CACNA2D3: variants seen among roughly 807,000 people sequenced by gnomAD.
CACNA2D3 encodes calcium voltage-gated channel auxiliary subunit alpha2delta 3.
CACNA2D3 carries 60 observed loss-of-function variants against 160.6 expected under a neutral mutation model. The ratio of observed to expected loss-of-function variants is 0.37; its 90% CI spans 0.30 to 0.46. CACNA2D3 has a LOEUF of 0.46. Ranked by LOEUF, CACNA2D3 falls within the 20% of genes least tolerant of loss-of-function variation. The probability of loss-of-function intolerance (pLI) is 1.00; values close to 1 mark genes in which losing one functional copy is unlikely to be tolerated. For missense variants in CACNA2D3, 1,205 were observed against 1,365.0 expected, an observed-to-expected ratio of 0.88 and a Z score of 1.85; for synonymous variants, 558 against 492.9, an observed-to-expected ratio of 1.13 and a Z score of -1.75.
chr3:54,217,889 A>G (rs75523173), intron 2 of CACNA2D3, among the ~76,000 whole-genome samples: 16,007 of 151,330 alleles, frequency 0.11, 1,061 homozygotes, highest in East Asian at 0.3. Flanking sequence ...AGAGAGAGAC[A>G]GGTGTTAGGG....
At chr3:54,336,609 T>C (rs1250772991) in intron 3 of CACNA2D3, among the ~76,000 whole-genome samples, 2 of 152,172 alleles carry the variant, frequency 1.3e-5, no homozygotes, top group Non-Finnish European at 2.9e-5. Context: ...GTGGAAGTTA[T>C]ATGTTATGTA....
At chr3:54,286,501 C>A (rs887871789) in intron 2 of CACNA2D3, among the ~76,000 whole-genome samples, 1 of 152,352 alleles carries the variant, frequency 6.6e-6, no homozygotes, top group Admixed American at 6.5e-5. Flanking sequence ...TTGGAAAACA[C>A]TCTGCAGGAT....
At chr3:54,652,848 T>G (rs539467926) in intron 11 of CACNA2D3, among the ~76,000 whole-genome samples, 1 of 147,164 alleles carries the variant, frequency 6.8e-6, no homozygotes, top group South Asian at 2.2e-4. Flanking sequence ...AGTTGCGTAA[T>G]CATGGCTCAC....
At chr3:54,466,949 C>A (rs1035231927) in intron 4 of CACNA2D3, among the ~76,000 whole-genome samples, 1 of 152,206 alleles carries the variant, frequency 6.6e-6, no homozygotes. Context: ...CTGGGTTCTG[C>A]TGTGCTGTGG....
At chr3:54,274,005 C>CG (rs60058057) in intron 2 of CACNA2D3, among the ~76,000 whole-genome samples, 5 of 151,852 alleles carry the variant, frequency 3.3e-5, no homozygotes, top group African/African-American at 1.2e-4. Context: ...TTTGAGTGGG[C>CG]GTATGGCTGT....
chr3:54,936,698 G>A lies in CACNA2D3; in HGVS notation c.2450-31752G>A, dbSNP rs569470406. On this transcript the variant is annotated intron_variant, in intron 27 of 37. Coordinates refer to ENST00000474759, the MANE Select transcript of CACNA2D3 (RefSeq NM_018398.3). ...GGACCTTGTCTCCAGTCAGCCCGTC[G>A]CTAGTAGGAGGCCCTCTTTCCCATC... Among the ~76,000 whole-genome samples the A allele has an allele frequency of 1.2e-4, 19 of 152,136 alleles. No individual in the cohort carries two copies. In the South Asian group the frequency reaches 3.5e-3, roughly 28 times the overall value.
At chr3:54,811,465 C>CTTTTTTTTTTTTTTTTTTTTT (rs71096451) in intron 13 of CACNA2D3, among the ~76,000 whole-genome samples, 4 of 111,618 alleles carry the variant, frequency 3.6e-5, no homozygotes, top group Non-Finnish European at 3.6e-5. Context: ...TCCCTCAGTT[C>CTTTTTTTTTTTTTTTTTTTTT]TTTTTTTTTT....
At chr3:54,419,124 G>T (rs1315605639) in intron 4 of CACNA2D3, among the ~76,000 whole-genome samples, 1 of 152,222 alleles carries the variant, frequency 6.6e-6, no homozygotes, top group East Asian at 1.9e-4. Context: ...AATGCCGCCA[G>T]CAGAATTGGG....
chr3:54,718,514 T>C (rs888859091), intron 11 of CACNA2D3, among the ~76,000 whole-genome samples: 5 of 152,062 alleles, frequency 3.3e-5, no homozygotes, highest in Non-Finnish European at 5.9e-5. Context: ...GTTTTTTTTT[T>C]CTTAGATCCT....
At chr3:54,761,727 G>T (rs1702083793) in intron 12 of CACNA2D3, among the ~76,000 whole-genome samples, 1 of 152,214 alleles carries the variant, frequency 6.6e-6, no homozygotes, top group Admixed American at 6.5e-5. Flanking sequence ...GAAAGGCTCT[G>T]ACCCAGGCCA....
At position 54,495,898 on chromosome 3, in the gene CACNA2D3, G is replaced by A. The variant is rs142712154; in HGVS notation, c.382-7594G>A. 1.8e-3 allele frequency among the ~76,000 whole-genome samples: 271 copies of A among 152,244 alleles called. 3 individuals are homozygous for A. Among genetic ancestry groups the A allele is most frequent in the African/African-American group, 5.1e-3 (210 of 41,560 alleles). On this transcript the variant is annotated intron_variant, in intron 4 of 37. Transcript: ENST00000474759. ...ATAATTTTGCCTGTATTAGAACTTC[G>A]TATGTATGAAATCATGCATATGTAC...
chr3:54,885,531 G>T lies in CACNA2D3; in HGVS notation c.2001G>T (p.Leu667=), dbSNP rs781543760. The change falls in exon 23 of 38, where the codon CTG becomes CTT. Residue 667 remains leucine, a synonymous_variant. Transcript: ENST00000474759. The stretch of plus-strand genomic sequence containing the variant: ...ACCTACACCCTGAGCACCGCCATCT[G>T]TCTCAGTTAGAAGCGATTAAGCTCT... ...NTDLHPEHRH[L]SQLEAIKLYL... The T allele has an allele frequency of 4.3e-6, 7 of 1,613,640 alleles. No individual in the cohort carries two copies. In the Admixed American group the frequency reaches 1.2e-4, roughly 27 times the overall value.
chr3:54,248,946 A>G (rs931120405), intron 2 of CACNA2D3, among the ~76,000 whole-genome samples: 4 of 152,302 alleles, frequency 2.6e-5, no homozygotes, highest in African/African-American at 9.6e-5. Flanking sequence ...TATCATGAGT[A>G]TTTCCATATT....
At chr3:54,229,664 A>G in intron 2 of CACNA2D3, among the ~76,000 whole-genome samples, 1 of 152,146 alleles carries the variant, frequency 6.6e-6, no homozygotes, top group Non-Finnish European at 1.5e-5. Context: ...AGAAACCTTC[A>G]TGGAATTTGC....
intron 2 of CACNA2D3, among the ~76,000 whole-genome samples, chr3:54,210,683 A>G (rs773381426): frequency 6.6e-6 from 1 of 152,124 alleles, no homozygotes; most frequent in Non-Finnish European, 1.5e-5. Context: ...TAATTTACAC[A>G]AGCGCCTGGG....
intron 25 of CACNA2D3, chr3:54,896,534 T>C: frequency 3.8e-6 from 2 of 532,634 alleles, no homozygotes; most frequent in Non-Finnish European, 6.7e-6. Flanking sequence ...AAAATCATTT[T>C]ACCCACTCAG....
intron 13 of CACNA2D3, among the ~76,000 whole-genome samples, chr3:54,806,743 C>G (rs1017236397): frequency 6.6e-6 from 1 of 151,990 alleles, no homozygotes. Flanking sequence ...CCCGCATCGC[C>G]AAGTCAATCC....
At chr3:54,616,105 T>C (rs1698843381) in intron 9 of CACNA2D3, among the ~76,000 whole-genome samples, 1 of 152,158 alleles carries the variant, frequency 6.6e-6, no homozygotes, top group South Asian at 2.1e-4. Context: ...CCAAAAAGAT[T>C]GGGGACCATA....
At chr3:54,963,139 T>C (rs1440852292) in intron 27 of CACNA2D3, among the ~76,000 whole-genome samples, 1 of 152,218 alleles carries the variant, frequency 6.6e-6, no homozygotes, top group African/African-American at 2.4e-5. Flanking sequence ...AGGGTGGTTG[T>C]TGCATTGATT....
Sources: allele counts gnomAD v4.1 joint callset (sites outside exome capture counted in the v4.1 genomes callset), GRCh38; gene constraint gnomAD v4.1.1; transcripts MANE v1.5; gene names NCBI Gene and HGNC (gene_info 2026-07-23, HGNC 2026-07-21).